HLA-DRB5: variants seen among roughly 807,000 people sequenced by gnomAD.
HLA-DRB5 encodes the protein DR beta-5.
In HLA-DRB5, 11 loss-of-function variants were observed where a neutral mutation model predicts 22.4. That is an observed-to-expected ratio of 0.49 (90% CI 0.31 to 0.81). The LOEUF is 0.81. Ranked by LOEUF, HLA-DRB5 falls within the 40% of genes least tolerant of loss-of-function variation. HLA-DRB5 has a pLI of 0.05. For synonymous variants in HLA-DRB5, 57 were observed against 106.0 expected (o/e 0.54, Z 2.84); for missense variants, 106 against 274.4 (o/e 0.39, Z 4.34).
intron 1 of HLA-DRB5, among the ~76,000 whole-genome samples, chr6:32,524,396 C>T (rs796092485): frequency 0.25 from 29,313 of 115,132 alleles, 964 homozygotes; most frequent in Admixed American, 0.31. Context: ...CTATTTTATT[C>T]CCATTTAATG....
intron 1 of HLA-DRB5, among the ~76,000 whole-genome samples, chr6:32,525,741 A>T (rs113739809): frequency 0.026 from 3,494 of 136,714 alleles, 135 homozygotes; most frequent in East Asian, 0.048. Flanking sequence ...CAGCAGGATC[A>T]TTATTGAAAT....
chr6:32,529,219 A>C, intron 1 of HLA-DRB5, among the ~76,000 whole-genome samples: 1 of 130,116 alleles, frequency 7.7e-6, no homozygotes, highest in Non-Finnish European at 1.6e-5. Context: ...TCTCTCTGTA[A>C]CCCCACACAG....
At chr6:32,521,291 AAAC>A (rs1219467184) in intron 2 of HLA-DRB5, among the ~76,000 whole-genome samples, 544 of 54,530 alleles carry the variant, frequency 1.0e-2, no homozygotes, top group Middle Eastern at 0.013. Context: ...CACACTAAGA[AAAC>A]AAACAGAAAA....
chr6:32,520,008 GTTT>G (rs1465808786), intron 2 of HLA-DRB5, among the ~76,000 whole-genome samples: 620 of 38,836 alleles, frequency 0.016, 1 homozygote, highest in Middle Eastern at 0.11. Flanking sequence ...TGCTGGAAGA[GTTT>G]TTCGATTCTT....
chr6:32,521,247 A>T (rs1451805178), intron 2 of HLA-DRB5, among the ~76,000 whole-genome samples: 2 of 75,764 alleles, frequency 2.6e-5, no homozygotes, highest in Non-Finnish European at 5.2e-5. Context: ...TCAAAAAGTT[A>T]GTTTCACAGT....
At chr6:32,523,160 G>GTA (rs200002244) in intron 1 of HLA-DRB5, among the ~76,000 whole-genome samples, 8 of 38,030 alleles carry the variant, frequency 2.1e-4, no homozygotes, top group South Asian at 6.6e-4. Flanking sequence ...ATGATCCCAT[G>GTA]AATGTCCACA....
Sources: allele counts gnomAD v4.1 joint callset (sites outside exome capture counted in the v4.1 genomes callset), GRCh38; gene constraint gnomAD v4.1.1; transcripts MANE v1.5; gene names NCBI Gene and HGNC (gene_info 2026-07-23, HGNC 2026-07-21).